The following AGBL1 variants were observed in gnomAD, a reference collection of about 807,000 sequenced individuals.
The protein encoded by AGBL1 is cytosolic carboxypeptidase 4.
In AGBL1, 130 loss-of-function variants were observed where a neutral mutation model predicts 118.9. The ratio of observed to expected loss-of-function variants is 1.09; its 90% CI spans 0.95 to 1.26. The LOEUF (loss-of-function observed/expected upper bound fraction) is 1.26, where lower values mean the gene tolerates loss of function less well. AGBL1 is among the 50% of genes most tolerant of loss of function. The pLI is 0.00. For missense variants in AGBL1, 1,584 were observed against 1,298.1 expected, an observed-to-expected ratio of 1.22 and a Z score of -3.38; for synonymous variants, 555 against 478.9, an observed-to-expected ratio of 1.16 and a Z score of -2.08.
chr15:86,212,734 C>G (rs2078120622), intron 5 of AGBL1, among the ~76,000 whole-genome samples: 1 of 152,166 alleles, frequency 6.6e-6, no homozygotes. Flanking sequence ...ACTGCAACCT[C>G]AGCCTCCCAG....
chr15:86,442,931 C>G (rs528418028), intron 18 of AGBL1, among the ~76,000 whole-genome samples: 1 of 152,332 alleles, frequency 6.6e-6, no homozygotes, highest in Admixed American at 6.5e-5. Flanking sequence ...CTCCCACCCC[C>G]TGCTCCTGCC....
chr15:86,822,241 G>T lies in AGBL1; in HGVS notation c.3159-84846G>T, dbSNP rs78353458. ...AGAATCTCCTAAGTTAGAGCAATGG[G>T]TTGTTCTTGATCACACATGATAGCC... On this transcript the variant is annotated intron_variant, in intron 22 of 22. Coordinates refer to ENST00000614907, the MANE Select transcript of AGBL1 (RefSeq NM_001386094.1). Among the ~76,000 whole-genome samples the T allele has an allele frequency of 1.1e-4, 17 of 152,256 alleles. No individual in the cohort carries two copies. In the East Asian group the frequency reaches 3.3e-3, roughly 29 times the overall value.
chr15:86,445,221 C>G (rs936304775), intron 18 of AGBL1, among the ~76,000 whole-genome samples: 1 of 152,194 alleles, frequency 6.6e-6, no homozygotes, highest in Non-Finnish European at 1.5e-5. Context: ...GGCAAGCTGA[C>G]AGGAGTAGCA....
Position 86,760,971 on chromosome 15 carries a change from T to C in AGBL1, c.3158+86535T>C, listed in dbSNP as rs563121436. On this transcript the variant is annotated intron_variant, in intron 22 of 22. Transcript: ENST00000614907. ...AGCACCCTTAAAAGGGTTAATCCAATAGCGATGTGTAGACAGACAGATCTG... is the reference window on the plus strand; with the variant it reads ...AGCACCCTTAAAAGGGTTAATCCAACAGCGATGTGTAGACAGACAGATCTG... 3.3e-5 allele frequency among the ~76,000 whole-genome samples: 5 copies of C among 152,166 alleles called. No homozygotes were observed. The East Asian group carries it at 9.7e-4, about 30-fold the overall frequency.
chr15:86,089,819 A>G (rs1231552518), intron 1 of AGBL1, among the ~76,000 whole-genome samples: 2 of 152,116 alleles, frequency 1.3e-5, no homozygotes, highest in Admixed American at 6.6e-5. Flanking sequence ...TCATATTTAG[A>G]TTAAGAGGAC....
chr15:86,712,466 T>G (rs2086575649), intron 22 of AGBL1, among the ~76,000 whole-genome samples: 1 of 152,146 alleles, frequency 6.6e-6, no homozygotes, highest in African/African-American at 2.4e-5. Context: ...GCAATTGGGC[T>G]TCAAAGTGGA....
intron 18 of AGBL1, among the ~76,000 whole-genome samples, chr15:86,470,244 T>C (rs148013249): frequency 9.2e-5 from 14 of 152,324 alleles, no homozygotes; most frequent in Admixed American, 5.2e-4. Flanking sequence ...GAATTGACTT[T>C]GTATATAATG....
chr15:86,675,956 T>G (rs2085838761), intron 22 of AGBL1, among the ~76,000 whole-genome samples: 1 of 152,228 alleles, frequency 6.6e-6, no homozygotes, highest in African/African-American at 2.4e-5. Flanking sequence ...AATTCAAGTT[T>G]AAAGAATTTG....
At chr15:86,553,292 C>T (rs1049460428) in intron 20 of AGBL1, among the ~76,000 whole-genome samples, 1 of 152,208 alleles carries the variant, frequency 6.6e-6, no homozygotes, top group East Asian at 1.9e-4. Context: ...TGTATACTAT[C>T]AACTCTGAGT....
chr15:86,871,451 A>G (rs944122773), intron 22 of AGBL1, among the ~76,000 whole-genome samples: 1 of 152,172 alleles, frequency 6.6e-6, no homozygotes, highest in African/African-American at 2.4e-5. Flanking sequence ...TCTATAGACT[A>G]AACACACAGA....
Position 86,607,992 on chromosome 15 carries a change from A to G in AGBL1, c.2994+53455A>G, listed in dbSNP as rs147737471. 1.4e-3 allele frequency among the ~76,000 whole-genome samples: 215 copies of G among 152,288 alleles called. 1 individual carries two copies. The South Asian group carries it at 0.018, about 13-fold the overall frequency. ...GAAACATGTATTGCTAAGCTGGAGG[A>G]CCACTTTGAAACCAAGTCTTATCTT... On this transcript the variant is annotated intron_variant, in intron 21 of 22. Coordinates refer to ENST00000614907, the MANE Select transcript of AGBL1 (RefSeq NM_001386094.1).
chr15:86,649,492 A>G (rs576679729), intron 21 of AGBL1, among the ~76,000 whole-genome samples: 3 of 152,170 alleles, frequency 2.0e-5, no homozygotes, highest in Non-Finnish European at 2.9e-5. Context: ...AGTGAGCCCA[A>G]TCAGCAGAGT....
chr15:86,822,361 A>G (rs997280203), intron 22 of AGBL1, among the ~76,000 whole-genome samples: 1 of 152,152 alleles, frequency 6.6e-6, no homozygotes, highest in African/African-American at 2.4e-5. Flanking sequence ...TTCCAAATAA[A>G]TTAGTATAGC....
intron 22 of AGBL1, among the ~76,000 whole-genome samples, chr15:86,795,515 T>C (rs1461611417): frequency 2.0e-5 from 3 of 151,854 alleles, no homozygotes; most frequent in Admixed American, 6.6e-5. Flanking sequence ...CTCTCCTATC[T>C]AAGTGACACT....
chr15:86,941,922 GA>G (rs2080757009), intron 23 of AGBL1, among the ~76,000 whole-genome samples: 1 of 152,160 alleles, frequency 6.6e-6, no homozygotes, highest in South Asian at 2.1e-4. Flanking sequence ...GCTGGTGGAA[GA>G]AAAAGAGTTA....
chr15:86,532,189 A>G (rs1402224301), intron 19 of AGBL1, among the ~76,000 whole-genome samples: 1 of 150,174 alleles, frequency 6.7e-6, no homozygotes, highest in Non-Finnish European at 1.5e-5. Flanking sequence ...TGCAGACAAC[A>G]TGATTGTTTA....
At chr15:86,113,273 CTTTTTCTTTCTTTCTTTTTT>C (rs1897540411) in intron 1 of AGBL1, among the ~76,000 whole-genome samples, 1 of 64,002 alleles carries the variant, frequency 1.6e-5, no homozygotes, top group Non-Finnish European at 3.8e-5. Context: ...TTCTTTCTTT[CTTTTTCTTTCTTTCTTTTTT>C]TTTTTTTTTT....
chr15:86,773,419 G>A (rs1053258054), intron 22 of AGBL1, among the ~76,000 whole-genome samples: 1 of 151,508 alleles, frequency 6.6e-6, no homozygotes, highest in Non-Finnish European at 1.5e-5. Flanking sequence ...CAATACATAC[G>A]TATACATGTG....
chr15:86,749,488 T>C (rs368381959), intron 22 of AGBL1, among the ~76,000 whole-genome samples: 15 of 152,046 alleles, frequency 9.9e-5, no homozygotes, highest in Non-Finnish European at 2.1e-4. Flanking sequence ...TTTTCCTAAT[T>C]GAATACCCTT....
Sources: allele counts gnomAD v4.1 joint callset (sites outside exome capture counted in the v4.1 genomes callset), GRCh38; gene constraint gnomAD v4.1.1; transcripts MANE v1.5; gene names NCBI Gene and HGNC (gene_info 2026-07-23, HGNC 2026-07-21).